The following PDE1A variants were observed in gnomAD, a reference collection of about 807,000 sequenced individuals.
PDE1A encodes dual specificity calcium/calmodulin-dependent 3',5'-cyclic nucleotide phosphodiesterase 1A.
A neutral mutation model predicts 61.7 loss-of-function variants in PDE1A; 35 were observed. The ratio of observed to expected loss-of-function variants is 0.57; its 90% CI spans 0.43 to 0.75. The LOEUF (loss-of-function observed/expected upper bound fraction) is 0.75. PDE1A is among the 30% of genes least tolerant of loss of function. The pLI, the probability that PDE1A is intolerant of heterozygous loss-of-function variation, is 0.00. For missense variants in PDE1A, 597 were observed against 630.6 expected (o/e 0.95, Z 0.57); for synonymous variants, 232 against 213.2 (o/e 1.09, Z -0.77).
intron 1 of PDE1A, among the ~76,000 whole-genome samples, chr2:182,360,715 T>C (rs1369512228): frequency 6.6e-6 from 1 of 151,864 alleles, no homozygotes; most frequent in African/African-American, 2.4e-5. Context: ...CCTGCATTTT[T>C]AGAAGTTTTT....
chr2:182,466,476 G>T (rs942919210), intron 2 of PDE1A, among the ~76,000 whole-genome samples: 1 of 152,012 alleles, frequency 6.6e-6, no homozygotes, highest in African/African-American at 2.4e-5. Flanking sequence ...TGGGGAAATT[G>T]AGGAGTGGCA....
chr2:182,394,417 C>T (rs1425910310), intron 1 of PDE1A, among the ~76,000 whole-genome samples: 3 of 152,248 alleles, frequency 2.0e-5, no homozygotes, highest in African/African-American at 7.2e-5. Flanking sequence ...ATTCAATTAC[C>T]TCCCACCAAG....
chr2:182,367,617 G>A (rs1461706928), intron 1 of PDE1A, among the ~76,000 whole-genome samples: 1 of 151,992 alleles, frequency 6.6e-6, no homozygotes, highest in Non-Finnish European at 1.5e-5. Flanking sequence ...TGGCAATGTA[G>A]CAAAGCCAAT....
intron 1 of PDE1A, among the ~76,000 whole-genome samples, chr2:182,384,797 T>C (rs1404365064): frequency 6.6e-6 from 1 of 152,096 alleles, no homozygotes; most frequent in African/African-American, 2.4e-5. Context: ...GAGAAAGATG[T>C]AAATATTGAA....
At chr2:182,343,349 T>G (rs913245929) in intron 1 of PDE1A, among the ~76,000 whole-genome samples, 2 of 152,212 alleles carry the variant, frequency 1.3e-5, no homozygotes, top group African/African-American at 4.8e-5. Context: ...ATTTAATAGA[T>G]ATACAGCACT....
chr2:182,482,413 A>G (rs150422345), intron 2 of PDE1A, among the ~76,000 whole-genome samples: 2 of 152,084 alleles, frequency 1.3e-5, no homozygotes, highest in African/African-American at 4.8e-5. Context: ...CATTTGTCAA[A>G]AAAAGAAAGC....
intron 10 of PDE1A, among the ~76,000 whole-genome samples, chr2:182,191,556 CAATTAA>C (rs1390460898): frequency 6.6e-6 from 1 of 151,872 alleles, no homozygotes; most frequent in African/African-American, 2.4e-5. Flanking sequence ...GTGGTTTTTG[CAATTAA>C]AATTGTCAGT....
At chr2:182,666,224 A>C in the PDE1A span, among the ~76,000 whole-genome samples, 1 of 152,214 alleles carries the variant, frequency 6.6e-6, no homozygotes, top group African/African-American at 2.4e-5. Flanking sequence ...ATTAAAATTA[A>C]ATTTTAAAAA....
At chr2:182,471,602 T>C (rs1229233924) in intron 2 of PDE1A, among the ~76,000 whole-genome samples, 4 of 151,830 alleles carry the variant, frequency 2.6e-5, no homozygotes, top group South Asian at 2.1e-4. Flanking sequence ...TTTATTACAC[T>C]GTACTTTGGA....
At chr2:182,712,579 C>T in the PDE1A span, among the ~76,000 whole-genome samples, 113 of 151,782 alleles carry the variant, frequency 7.4e-4, no homozygotes, top group Non-Finnish European at 1.3e-3. Flanking sequence ...TTTTTTGAGA[C>T]GGAGTCTTGC....
At chr2:182,459,006 C>T (rs1686100355) in intron 2 of PDE1A, among the ~76,000 whole-genome samples, 1 of 152,068 alleles carries the variant, frequency 6.6e-6, no homozygotes, top group Non-Finnish European at 1.5e-5. Flanking sequence ...ATAGTAAAAG[C>T]ACTTCACATT....
At chr2:182,475,891 T>C (rs1232369522) in intron 2 of PDE1A, among the ~76,000 whole-genome samples, 3 of 152,086 alleles carry the variant, frequency 2.0e-5, no homozygotes, top group Admixed American at 1.3e-4. Context: ...TGAGATAACA[T>C]AGTTTTTAAC....
chr2:182,148,073 A>G (rs965831293), intron 13 of PDE1A, among the ~76,000 whole-genome samples: 4 of 152,212 alleles, frequency 2.6e-5, no homozygotes, highest in Non-Finnish European at 5.9e-5. Context: ...TTATCTTCTC[A>G]GCCAAGATCA....
chr2:182,312,257 T>C (rs1696029440), intron 1 of PDE1A, among the ~76,000 whole-genome samples: 1 of 152,186 alleles, frequency 6.6e-6, no homozygotes, highest in Non-Finnish European at 1.5e-5. Context: ...TTTCATTCTC[T>C]GTACAATGTC....
At chr2:182,179,507 C>A (rs1481775010) in intron 13 of PDE1A, among the ~76,000 whole-genome samples, 1 of 151,908 alleles carries the variant, frequency 6.6e-6, no homozygotes, top group African/African-American at 2.4e-5. Context: ...TCACAAAATT[C>A]AAAACAATAA....
chr2:182,252,784 G>A lies in PDE1A; in HGVS notation c.167+11517C>T, dbSNP rs749758596. On this transcript the variant is annotated intron_variant, in intron 2 of 13. Transcript: ENST00000351439. ...GACGGCAAGGTCCCTGTGTGGAACT[G>A]ACTAATGTGTGTCTACACAGATAGG... Among the ~76,000 whole-genome samples the A allele has an allele frequency of 9.2e-5, 14 of 152,284 alleles. No individual in the cohort carries two copies. The Middle Eastern group carries it at 0.014, about 148-fold the overall frequency.
At chr2:182,236,851 T>C (rs951720678) in intron 3 of PDE1A, among the ~76,000 whole-genome samples, 9 of 152,132 alleles carry the variant, frequency 5.9e-5, no homozygotes, top group Non-Finnish European at 1.3e-4. Context: ...ACATGGAATG[T>C]AAAGGAAGAC....
intron 11 of PDE1A, among the ~76,000 whole-genome samples, chr2:182,188,162 C>T (rs1038256845): frequency 6.6e-6 from 1 of 152,098 alleles, no homozygotes; most frequent in Non-Finnish European, 1.5e-5. Flanking sequence ...CTTAGCTTGC[C>T]ACATCAGGTC....
intron 1 of PDE1A, among the ~76,000 whole-genome samples, chr2:182,415,168 T>TC (rs1221855527): frequency 6.6e-6 from 1 of 152,142 alleles, no homozygotes; most frequent in African/African-American, 2.4e-5. Flanking sequence ...AATATTTTAT[T>TC]CCTAAAAGAG....
Sources: gnomAD v4.1 joint callset for allele counts (sites outside exome capture counted in the v4.1 genomes callset) on GRCh38, gnomAD v4.1.1 for gene constraint, MANE v1.5 for transcripts, NCBI Gene and HGNC (gene_info 2026-07-23, HGNC 2026-07-21) for gene names.